Variants in DENND2B observed in about 807,000 individuals in gnomAD.
DENND2B encodes the protein DENN domain containing 2B.
A neutral mutation model predicts 116.0 loss-of-function variants in DENND2B; 32 were observed. The observed-to-expected ratio is 0.28, with a 90% CI of 0.21 to 0.37. The LOEUF (loss-of-function observed/expected upper bound fraction) is 0.37, where lower values mean the gene tolerates loss of function less well. Ranked by LOEUF, DENND2B falls within the 10% of genes least tolerant of loss-of-function variation. The pLI is 1.00. For missense variants in DENND2B, 1,276 were observed against 1,477.7 expected, an observed-to-expected ratio of 0.86 and a Z score of 2.24; for synonymous variants, 588 against 583.9, an observed-to-expected ratio of 1.01 and a Z score of -0.10.
At chr11:8,772,505 T>C (rs1034189327) in intron 1 of DENND2B, among the ~76,000 whole-genome samples, 2 of 151,968 alleles carry the variant, frequency 1.3e-5, no homozygotes, top group African/African-American at 2.4e-5. Flanking sequence ...TCCAGAAAGT[T>C]TGGCAAATTG....
intron 14 of DENND2B, 136 bp from the exon 15 acceptor site, chr11:8,699,526 A>G: frequency 1.2e-6 from 1 of 826,038 alleles, no homozygotes; most frequent in East Asian, 2.7e-5. Context: ...GACCCTGCAG[A>G]CTGGTAAAGT....
chr11:8,861,925 G>A (rs1253805053), intron 2 of DENND2B, among the ~76,000 whole-genome samples: 1 of 152,118 alleles, frequency 6.6e-6, no homozygotes, highest in Non-Finnish European at 1.5e-5. Flanking sequence ...AAGTAACACA[G>A]GAATGCAAAA....
intron 4 of DENND2B, among the ~76,000 whole-genome samples, chr11:8,829,007 A>G (rs945472466): frequency 2.2e-4 from 30 of 133,596 alleles, no homozygotes; most frequent in African/African-American, 7.9e-4. Context: ...TGTGTGTAGT[A>G]TGTGTGGAGT....
intron 2 of DENND2B, among the ~76,000 whole-genome samples, chr11:8,869,468 G>A (rs2063699680): frequency 6.6e-6 from 1 of 152,058 alleles, no homozygotes; most frequent in African/African-American, 2.4e-5. Flanking sequence ...TTTGAGACCA[G>A]CCTGGCCAAC....
intron 4 of DENND2B, among the ~76,000 whole-genome samples, chr11:8,836,360 T>C (rs2062425045): frequency 6.7e-6 from 1 of 150,176 alleles, no homozygotes; most frequent in Non-Finnish European, 1.5e-5. Flanking sequence ...ACAGTGAGCA[T>C]GGGTCCTCAT....
intron 1 of DENND2B, among the ~76,000 whole-genome samples, chr11:8,780,579 T>G: frequency 1.3e-5 from 2 of 150,896 alleles, no homozygotes; most frequent in African/African-American, 2.4e-5. Context: ...CTGATGGGAG[T>G]TTAATTGAAA....
At chr11:8,699,934 C>G in intron 14 of DENND2B, 1 of 456,298 alleles carries the variant, frequency 2.2e-6, no homozygotes, top group Non-Finnish European at 4.4e-6. Context: ...ATTGGCAGAA[C>G]TTGAATACCC....
intron 11 of DENND2B, among the ~76,000 whole-genome samples, chr11:8,708,807 C>G (rs1434246948): frequency 6.6e-6 from 1 of 152,092 alleles, no homozygotes. Flanking sequence ...CAAAATTAGC[C>G]GGTCATAGTG....
intron 3 of DENND2B, among the ~76,000 whole-genome samples, chr11:8,841,861 C>T (rs2062635183): frequency 6.6e-6 from 1 of 152,124 alleles, no homozygotes; most frequent in Non-Finnish European, 1.5e-5. Flanking sequence ...CTATTCTAAC[C>T]ATCATTCTTC....
intron 1 of DENND2B, among the ~76,000 whole-genome samples, chr11:8,901,082 G>A (rs1245344772): frequency 6.6e-6 from 1 of 151,464 alleles, no homozygotes; most frequent in African/African-American, 2.4e-5. Flanking sequence ...AGAACCAACT[G>A]TTGGTTTCAT....
At position 8,835,121 on chromosome 11, in the gene DENND2B, G is replaced by A. The variant is rs532830143; in HGVS notation, c.-115+4189C>T. Among the ~76,000 whole-genome samples the A allele has an allele frequency of 3.9e-5, 6 of 152,214 alleles. No individual in the cohort carries two copies. In the East Asian group the frequency reaches 5.8e-4, roughly 15 times the overall value. On this transcript the variant is annotated intron_variant, in intron 4 of 6. Transcript: ENST00000524757. Reference sequence around the variant, plus strand: ...TAGCCGGGCATGGCGGTGTGTGCCTGTGGTCCCAGCTACTCGGGAGGCTGA... The same window carrying A: ...TAGCCGGGCATGGCGGTGTGTGCCTATGGTCCCAGCTACTCGGGAGGCTGA...
chr11:8,774,377 TC>T, intron 1 of DENND2B: 1 of 955,236 alleles, frequency 1.0e-6, no homozygotes, highest in Non-Finnish European at 1.2e-6. Context: ...AAACATGTTC[TC>T]CTTCCTGCTT....
At chr11:8,846,441 G>A (rs2062816628) in intron 3 of DENND2B, among the ~76,000 whole-genome samples, 1 of 152,186 alleles carries the variant, frequency 6.6e-6, no homozygotes, top group Non-Finnish European at 1.5e-5. Flanking sequence ...CGCCCAGGCT[G>A]AAGGGCCCAC....
At chr11:8,719,967 T>C (rs990521359) in intron 4 of DENND2B, among the ~76,000 whole-genome samples, 2 of 152,206 alleles carry the variant, frequency 1.3e-5, no homozygotes, top group Non-Finnish European at 2.9e-5. Context: ...TGTGGTAGAC[T>C]GTCCTGTCCA....
rs2042726389 is a variant in DENND2B, at chr11:8,707,035, C to T, written c.2571+50G>A. 1.9e-6 allele frequency: 3 copies of T among 1,579,270 alleles called. No individual in the cohort carries two copies. Among genetic ancestry groups the T allele is most frequent in the Non-Finnish European group, 2.6e-6 (3 of 1,160,606 alleles). On this transcript the variant is annotated intron_variant, in intron 13 of 19. Transcript: ENST00000313726. This position sits in a 1 kb window ranked among gnomAD's most constrained non-coding sequence, Gnocchi z 4.8. ...CTACGACCTTGGCCAGCATGGTCCT[C>T]CTGCCACCCCAGCCCGTAGCCCGAG...
intron 4 of DENND2B, among the ~76,000 whole-genome samples, chr11:8,724,865 G>C (rs1438290950): frequency 6.6e-6 from 1 of 152,218 alleles, no homozygotes; most frequent in African/African-American, 2.4e-5. Context: ...GGTTAGGCAG[G>C]TTTGCCAGCA....
chr11:8,812,946 GTTATTTAT>G (rs562665372), upstream of DENND2B, among the ~76,000 whole-genome samples: 1 of 151,876 alleles, frequency 6.6e-6, no homozygotes, highest in Non-Finnish European at 1.5e-5. Context: ...AGGTCCTGAT[GTTATTTAT>G]TTATTTATTT....
chr11:8,892,219 G>A (rs1050373880), intron 1 of DENND2B, among the ~76,000 whole-genome samples: 17 of 152,180 alleles, frequency 1.1e-4, no homozygotes, highest in African/African-American at 3.1e-4. Flanking sequence ...ACATACCAGA[G>A]TCTCTGGGAC....
intron 4 of DENND2B, among the ~76,000 whole-genome samples, chr11:8,823,454 G>C (rs1343003514): frequency 6.6e-6 from 1 of 152,160 alleles, no homozygotes; most frequent in Non-Finnish European, 1.5e-5. Flanking sequence ...TGGTTTGGCT[G>C]TGTCACCACC....
Sources: allele counts gnomAD v4.1 joint callset (sites outside exome capture counted in the v4.1 genomes callset), GRCh38; gene constraint gnomAD v4.1.1; non-coding constraint Gnocchi (gnomAD v3.1); transcripts MANE v1.5; gene names NCBI Gene and HGNC (gene_info 2026-07-23, HGNC 2026-07-21).